ICA1L: variants seen among roughly 807,000 people sequenced by gnomAD.
ICA1L encodes islet cell autoantigen 1-like protein.
In ICA1L, 50 loss-of-function variants were observed where a neutral mutation model predicts 61.3. That is an observed-to-expected ratio of 0.82 (90% CI 0.65 to 1.03). The LOEUF is 1.03. ICA1L is among the 50% of genes least tolerant of loss of function. The pLI is 0.00. For synonymous variants in ICA1L, 161 were observed against 191.3 expected (o/e 0.84, Z 1.31); for missense variants, 508 against 556.7 (o/e 0.91, Z 0.88).
rs558675834 is a variant in ICA1L at position 202,845,342 on chromosome 2, TG to T, written c.-7-16327del. ...AAGTAATTTCTTCATAAAAGATACT[TG>T]AGGCCCGGCATGGTGGCTCATACCT... On this transcript the variant is annotated intron_variant, in intron 1 of 12. Coordinates refer to ENST00000358299, the MANE Select transcript of ICA1L (RefSeq NM_001288622.3). Among the ~76,000 whole-genome samples, 488 of 152,270 alleles carry T rather than the reference TG, an allele frequency of 3.2e-3. 4 individuals carry two copies. Among genetic ancestry groups the T allele is most frequent in the African/African-American group, 0.011 (471 of 41,560 alleles).
intron 1 of ICA1L, among the ~76,000 whole-genome samples, chr2:202,861,895 A>AG (rs1033222628): frequency 6.7e-6 from 1 of 150,206 alleles, no homozygotes; most frequent in Non-Finnish European, 1.5e-5. Context: ...AAAAAAAAAA[A>AG]AAAAAAAAAA....
At position 202,857,402 on chromosome 2, in the gene ICA1L, T is replaced by TG. The variant is rs534936600; in HGVS notation, c.-8+14216dup. Among the ~76,000 whole-genome samples the TG allele has an allele frequency of 3.7e-4, 56 of 152,066 alleles. 1 individual carries two copies. Among genetic ancestry groups the TG allele is most frequent in the Admixed American group, 8.5e-4 (13 of 15,260 alleles). Reference sequence around the variant, plus strand: ...AGGAGTCCCTATTTAATAAATGGTGTGGGGAAAACTGGCTAACCATATGCA... The same window carrying TG: ...AGGAGTCCCTATTTAATAAATGGTGTGGGGGAAAACTGGCTAACCATATGCA... On this transcript the variant is annotated intron_variant, in intron 1 of 12. Coordinates refer to ENST00000358299, the MANE Select transcript of ICA1L (RefSeq NM_001288622.3).
At chr2:202,811,604 G>A in intron 9 of ICA1L, 142 bp downstream of exon 9, 2 of 572,200 alleles carry the variant, frequency 3.5e-6, no homozygotes, top group Non-Finnish European at 6.2e-6. Context: ...AGAGCTTGCA[G>A]TGAGCCAAGA....
At chr2:202,803,190 C>T (rs2105835927) in intron 9 of ICA1L, among the ~76,000 whole-genome samples, 1 of 152,050 alleles carries the variant, frequency 6.6e-6, no homozygotes, top group South Asian at 2.1e-4. Flanking sequence ...GGCAGATCAC[C>T]TGAGGTCAGG....
chr2:202,776,542 G>A lies in ICA1L; in HGVS notation c.*2991C>T, dbSNP rs1243283345. On this transcript the variant is annotated 3_prime_UTR_variant, in exon 13 of 13. Coordinates refer to ENST00000358299, the MANE Select transcript of ICA1L (RefSeq NM_001288622.3). ...TCCTTTCCCTCGTTTCTTCAGTGTG[G>A]TGGTTTTTTATATTAGCAGTATTGG... 6.6e-6 allele frequency: 1 copy of A among 152,122 alleles called. No homozygotes were observed. The highest frequency in any genetic ancestry group is 1.5e-5 in the Non-Finnish European group (1 of 68,020). The allele number at this position is 152,122 out of a possible 1,614,324, so 9.4% of individuals were successfully genotyped here. A position where few individuals can be genotyped will look rare whatever the true frequency, so the allele number is the denominator to read the frequency against.
At chr2:202,797,811 C>G (rs2105830863) in intron 9 of ICA1L, among the ~76,000 whole-genome samples, 1 of 152,306 alleles carries the variant, frequency 6.6e-6, no homozygotes, top group East Asian at 1.9e-4. Flanking sequence ...TATGATCCAC[C>G]ATGCCCAGCC....
intron 10 of ICA1L, among the ~76,000 whole-genome samples, chr2:202,794,866 T>C (rs1461422205): frequency 2.0e-5 from 3 of 152,176 alleles, no homozygotes; most frequent in Admixed American, 1.3e-4. Flanking sequence ...CCCTTGTTTT[T>C]CATGAGGATG....
intron 8 of ICA1L, 91 bp from the exon 9 acceptor site, chr2:202,811,880 TTTC>T (rs1462219928): frequency 2.0e-5 from 18 of 898,632 alleles, no homozygotes; most frequent in Non-Finnish European, 3.2e-5. Context: ...TTAAAAAAAT[TTTC>T]TACTCAGGAA....
intron 1 of ICA1L, among the ~76,000 whole-genome samples, chr2:202,848,031 G>A (rs1208755526): frequency 2.0e-5 from 3 of 152,124 alleles, no homozygotes; most frequent in Admixed American, 2.0e-4. Context: ...ACTAAACATT[G>A]AGTACACATG....
intron 9 of ICA1L, among the ~76,000 whole-genome samples, chr2:202,803,245 T>TA (rs1454019224): frequency 4.0e-5 from 6 of 151,462 alleles, no homozygotes; most frequent in South Asian, 2.1e-4. Context: ...CCATCACTAC[T>TA]AAAAAATTAG....
chr2:202,864,940 C>T (rs1211113611), intron 1 of ICA1L, among the ~76,000 whole-genome samples: 1 of 151,512 alleles, frequency 6.6e-6, no homozygotes, highest in Non-Finnish European at 1.5e-5. Flanking sequence ...GAGGCAGGTG[C>T]ATCACCTGAG....
chr2:202,827,339 G>C (rs1336335501), intron 2 of ICA1L, among the ~76,000 whole-genome samples: 1 of 151,834 alleles, frequency 6.6e-6, no homozygotes, highest in Non-Finnish European at 1.5e-5. Context: ...GTTGCAGTGA[G>C]CCAAGATCGT....
intron 1 of ICA1L, among the ~76,000 whole-genome samples, chr2:202,835,960 C>T (rs902407083): frequency 6.6e-6 from 1 of 152,012 alleles, no homozygotes. Flanking sequence ...TCACATTGTC[C>T]GCAAACAGAC....
intron 12 of ICA1L, among the ~76,000 whole-genome samples, chr2:202,784,688 G>A (rs1463525664): frequency 6.6e-6 from 1 of 152,090 alleles, no homozygotes; most frequent in African/African-American, 2.4e-5. Flanking sequence ...GAACCTTGAG[G>A]ACATTATGCA....
intron 10 of ICA1L, among the ~76,000 whole-genome samples, chr2:202,792,760 C>T (rs1574329962): frequency 2.0e-5 from 3 of 151,760 alleles, no homozygotes; most frequent in South Asian, 2.1e-4. Context: ...GCCAAGATCG[C>T]GCCACTGCAC....
chr2:202,820,930 A>G (rs1378781632), intron 4 of ICA1L, among the ~76,000 whole-genome samples: 1 of 152,206 alleles, frequency 6.6e-6, no homozygotes, highest in Non-Finnish European at 1.5e-5. Context: ...TAATAACTGG[A>G]AAGTATGTAA....
chr2:202,816,797 G>A (rs1693549636), intron 6 of ICA1L, among the ~76,000 whole-genome samples: 1 of 152,138 alleles, frequency 6.6e-6, no homozygotes. Context: ...AAAAATATAT[G>A]TAAAAATCAA....
intron 10 of ICA1L, among the ~76,000 whole-genome samples, chr2:202,792,925 T>C (rs1692800004): frequency 6.6e-6 from 1 of 152,232 alleles, no homozygotes; most frequent in Non-Finnish European, 1.5e-5. Flanking sequence ...TTCATTTATA[T>C]GGAATGTCCA....
chr2:202,811,488 T>C (rs1020633728), intron 9 of ICA1L, among the ~76,000 whole-genome samples: 2 of 151,506 alleles, frequency 1.3e-5, no homozygotes, highest in East Asian at 3.9e-4. Flanking sequence ...TGAAACCCTG[T>C]CTCTACTAAA....
Sources: gnomAD v4.1 joint callset for allele counts (sites outside exome capture counted in the v4.1 genomes callset) on GRCh38, gnomAD v4.1.1 for gene constraint, MANE v1.5 for transcripts, NCBI Gene and HGNC (gene_info 2026-07-23, HGNC 2026-07-21) for gene names.